The following TNPO1 variants were observed in gnomAD, a reference collection of about 807,000 sequenced individuals.
TNPO1 encodes transportin 1.
In TNPO1, 8 loss-of-function variants were observed where a neutral mutation model predicts 119.5. The observed-to-expected ratio is 0.07, with a 90% CI of 0.04 to 0.12. The LOEUF is 0.12. Among genes scored for constraint, TNPO1 ranks in the 10% least tolerant of loss-of-function variants. The pLI, the probability that TNPO1 is intolerant of heterozygous loss-of-function variation, is 1.00. For missense variants in TNPO1, 576 were observed against 1,089.8 expected, an observed-to-expected ratio of 0.53 and a Z score of 6.64; for synonymous variants, 362 against 363.0, an observed-to-expected ratio of 1.00 and a Z score of 0.03.
At chr5:72,902,787 C>A (rs1398130702) in intron 22 of TNPO1, among the ~76,000 whole-genome samples, 1 of 152,042 alleles carries the variant, frequency 6.6e-6, no homozygotes, top group Non-Finnish European at 1.5e-5. Context: ...GGTTTATTTA[C>A]ATTTAAATTT....
At chr5:72,905,538 T>C (rs1750082663) in intron 24 of TNPO1, 93 bp downstream of exon 24, 2 of 600,092 alleles carry the variant, frequency 3.3e-6, no homozygotes, top group East Asian at 2.8e-5. Flanking sequence ...AAGCTATTTG[T>C]TTTCTATAGA....
intron 9 of TNPO1, among the ~76,000 whole-genome samples, chr5:72,880,555 C>T (rs1487019308): frequency 2.6e-5 from 4 of 152,170 alleles, no homozygotes; most frequent in Non-Finnish European, 5.9e-5. Flanking sequence ...TGGCTTATGC[C>T]TGTAATCCCA....
chr5:72,831,301 T>G (rs1298857089), intron 1 of TNPO1, among the ~76,000 whole-genome samples: 1 of 152,012 alleles, frequency 6.6e-6, no homozygotes, highest in Non-Finnish European at 1.5e-5. Flanking sequence ...TAGGGTTTTT[T>G]TCTTAGTTCT....
At chr5:72,857,809 G>C (rs1009838644) in intron 4 of TNPO1, among the ~76,000 whole-genome samples, 1 of 152,188 alleles carries the variant, frequency 6.6e-6, no homozygotes, top group Non-Finnish European at 1.5e-5. Context: ...TGAAAGGTTA[G>C]AAGTAATAAT....
In TNPO1 at chr5:72,882,488, T is replaced by A. The variant is rs1748316653; in HGVS notation, c.942T>A (p.Asn314Lys). The A allele has an allele frequency of 6.2e-7, 1 of 1,610,402 alleles. No homozygotes were observed. The highest frequency in any genetic ancestry group is 1.7e-5 in the Admixed American group (1 of 59,648). Residue 314 changes from asparagine (N) to lysine (K), a missense_variant, in exon 10 of 25, where the codon AAT (asparagine) becomes AAA (lysine). Asn to Lys is a moderately conservative substitution (Grantham distance 94). Around this residue, in one of 6 missense-constraint regions of TNPO1, gnomAD observed 310 missense variants for 583.0 expected, o/e 0.53. Coordinates refer to ENST00000337273, the MANE Select transcript of TNPO1 (RefSeq NM_002270.4). ...ATAGGTTGATTCCTGTGTTAGTGAA[T>A]GGCATGAAGTACTCAGACATAGATA... Reference protein sequence around the residue: ...HLPKLIPVLVNGMKYSDIDII... With the variant: ...HLPKLIPVLVKGMKYSDIDII...
At chr5:72,902,628 CTTTGTTTT>C (rs1207078889) in intron 22 of TNPO1, among the ~76,000 whole-genome samples, 1 of 151,332 alleles carries the variant, frequency 6.6e-6, no homozygotes, top group African/African-American at 2.4e-5. Flanking sequence ...TTTATTGTTT[CTTTGTTTT>C]TGAATTAATG....
At chr5:72,875,937 A>G (rs1392783969) in intron 8 of TNPO1, among the ~76,000 whole-genome samples, 200 bp downstream of exon 8, 2 of 152,130 alleles carry the variant, frequency 1.3e-5, no homozygotes. Context: ...TTTAAGTAGT[A>G]TGTTATCTAG....
rs368353785 is a variant in TNPO1, at chr5:72,837,343, AG to A, written c.16-11040del. Among the ~76,000 whole-genome samples, 302 of 152,302 alleles carry A rather than the reference AG, an allele frequency of 2.0e-3. 3 individuals are homozygous for A. The highest frequency in any genetic ancestry group is 7.0e-3 in the African/African-American group (292 of 41,574). ...CCTTACAGCATCCTCACATGGAGGA[AG>A]GAACAAACACTATTTTCTCACATGG... On this transcript the variant is annotated intron_variant, in intron 1 of 24. Coordinates refer to ENST00000337273, the MANE Select transcript of TNPO1 (RefSeq NM_002270.4).
chr5:72,879,562 A>G (rs981074790), intron 9 of TNPO1, among the ~76,000 whole-genome samples: 1 of 152,154 alleles, frequency 6.6e-6, no homozygotes, highest in Non-Finnish European at 1.5e-5. Context: ...GTCTCACTGT[A>G]TTGCCCAAGC....
chr5:72,879,365 T>A (rs888376938), intron 9 of TNPO1, among the ~76,000 whole-genome samples: 3 of 152,192 alleles, frequency 2.0e-5, no homozygotes, highest in African/African-American at 7.2e-5. Flanking sequence ...ATGTTAAAAA[T>A]ATGGAATTAT....
At chr5:72,887,977 A>G in intron 12 of TNPO1, 101 bp from the exon 13 acceptor site, 1 of 1,136,302 alleles carries the variant, frequency 8.8e-7, no homozygotes, top group Non-Finnish European at 1.3e-6. Flanking sequence ...TAGCAGTAGA[A>G]ATATTCTGAA....
In TNPO1 at chr5:72,863,221, G is replaced by T. The variant is rs541926953; in HGVS notation, c.462+1307G>T. Reference sequence around the variant, plus strand: ...TGGTGTTTTGACTCTGTAAAGCATCGACTCCTATACCTCTCAAAGAGCGGA... The same window carrying T: ...TGGTGTTTTGACTCTGTAAAGCATCTACTCCTATACCTCTCAAAGAGCGGA... On this transcript the variant is annotated intron_variant, in intron 5 of 24. Transcript: ENST00000337273. 3.9e-5 allele frequency among the ~76,000 whole-genome samples: 6 copies of T among 152,034 alleles called. No individual in the cohort carries two copies. The South Asian group carries it at 8.3e-4, about 21-fold the overall frequency.
rs1204653398 is a variant in TNPO1 at position 72,878,977 on chromosome 5, A to G, written c.920+1631A>G. 1.0e-5 allele frequency: 5 copies of G among 480,372 alleles called. No individual in the cohort carries two copies. The East Asian group carries it at 1.9e-4, about 19-fold the overall frequency. The allele number at this position is 480,372 out of a possible 1,614,324, so 29.8% of individuals were successfully genotyped here. ...CATGCCACTGTTTCCATGGGCCCAG[A>G]TTACTCTGGCTTTGTTTAGTTTGCC... On this transcript the variant is annotated intron_variant, in intron 9 of 24. Transcript: ENST00000337273.
At chr5:72,848,593 G>C (rs1263770147) in intron 2 of TNPO1, 95 bp downstream of exon 2, 18 of 599,854 alleles carry the variant, frequency 3.0e-5, no homozygotes, top group Non-Finnish European at 4.2e-5. Flanking sequence ...CTCCGCCTCT[G>C]CCCCTCCCCC....
intron 11 of TNPO1, among the ~76,000 whole-genome samples, chr5:72,885,325 C>T (rs1383355766): frequency 6.6e-6 from 1 of 152,200 alleles, no homozygotes. Flanking sequence ...TTACAAATTA[C>T]TTCCCAGTGT....
chr5:72,906,993 G>T (rs1187962673), intron 24 of TNPO1, among the ~76,000 whole-genome samples: 1 of 152,004 alleles, frequency 6.6e-6, no homozygotes, highest in East Asian at 1.9e-4. Flanking sequence ...AGTTTTTTTG[G>T]CTTGCTTGCT....
At position 72,903,717 on chromosome 5, in the gene TNPO1, A is replaced by G. The variant is rs1274593688; in HGVS notation, c.2523A>G (p.Ile841Met). ...TTTCTTGCTTGTTACAGGATTTTAT[A>G]TTTTTTTGTGATGCCGTTGCATCAT... Reference protein sequence around the residue: ...VNPSGVIQDFIFFCDAVASWI... With the variant: ...VNPSGVIQDFMFFCDAVASWI... Residue 841 changes from isoleucine (I) to methionine (M), a missense_variant, in exon 23 of 25, where the codon ATA (isoleucine) becomes ATG (methionine). Around this residue, in one of 6 missense-constraint regions of TNPO1, gnomAD observed 162 missense variants for 294.1 expected, o/e 0.55. Transcript: ENST00000337273. 1.9e-6 allele frequency: 3 copies of G among 1,602,602 alleles called. No individual in the cohort carries two copies. Among genetic ancestry groups the G allele is most frequent in the Non-Finnish European group, 1.7e-6 (2 of 1,175,012 alleles).
Position 72,896,064 on chromosome 5 carries a change from G to GAGCAC in TNPO1, c.2144-392_2144-388dup, listed in dbSNP as rs1486204094. 4.6e-5 allele frequency among the ~76,000 whole-genome samples: 7 copies of GAGCAC among 151,804 alleles called. No homozygotes were observed. In the East Asian group the frequency reaches 1.3e-3, roughly 29 times the overall value. On this transcript the variant is annotated intron_variant, in intron 18 of 24. Transcript: ENST00000337273. ...AAATGTTATTCAGAGACCACAATCA[G>GAGCAC]AGCACAAGAGTGAAAATTGCTTTAA...
At chr5:72,893,019 T>C in intron 15 of TNPO1, 120 bp from the exon 16 acceptor site, 1 of 715,990 alleles carries the variant, frequency 1.4e-6, no homozygotes, top group South Asian at 1.8e-5. Context: ...AACCTGCTAC[T>C]GTAGAAACTA....
Sources: gnomAD v4.1 joint callset for allele counts (sites outside exome capture counted in the v4.1 genomes callset) on GRCh38, gnomAD v4.1.1 for gene constraint, gnomAD v4.1.1 regional missense constraint, MANE v1.5 for transcripts, NCBI Gene and HGNC (gene_info 2026-07-23, HGNC 2026-07-21) for gene names.